The following ROBO1 variants were observed in gnomAD, a reference collection of about 807,000 sequenced individuals.
ROBO1 encodes the protein roundabout homolog 1.
In ROBO1, 149 loss-of-function variants were observed where a neutral mutation model predicts 195.9. The ratio of observed to expected loss-of-function variants is 0.76; its 90% CI spans 0.67 to 0.87. The LOEUF (loss-of-function observed/expected upper bound fraction) is 0.87, where lower values mean the gene tolerates loss of function less well. ROBO1 is among the 40% of genes least tolerant of loss of function. ROBO1 has a pLI of 0.00. For missense variants in ROBO1, 1,933 were observed against 2,068.3 expected (o/e 0.93, Z 1.27); for synonymous variants, 816 against 733.2 (o/e 1.11, Z -1.82).
At chr3:79,117,186 G>A (rs571824354) in intron 3 of ROBO1, among the ~76,000 whole-genome samples, 4 of 151,942 alleles carry the variant, frequency 2.6e-5, no homozygotes, top group Admixed American at 1.3e-4. Context: ...TGGGCAAAAC[G>A]GTGAAACCCC....
intron 1 of ROBO1, among the ~76,000 whole-genome samples, chr3:79,732,365 A>T (rs967414874): frequency 6.9e-6 from 1 of 144,960 alleles, no homozygotes; most frequent in African/African-American, 2.5e-5. Flanking sequence ...AGATATTAAT[A>T]TACTTTGTTT....
chr3:79,685,333 T>G (rs1576228329), intron 1 of ROBO1, among the ~76,000 whole-genome samples: 1 of 152,158 alleles, frequency 6.6e-6, no homozygotes, highest in African/African-American at 2.4e-5. Flanking sequence ...TGTAGGCATG[T>G]GCACAGCTCT....
intron 2 of ROBO1, among the ~76,000 whole-genome samples, chr3:79,309,065 A>G (rs1375631696): frequency 9.9e-6 from 1 of 100,636 alleles, no homozygotes; most frequent in Non-Finnish European, 2.0e-5. Flanking sequence ...AAAATTGAAG[A>G]AAAAAAAAGC....
At position 79,305,265 on chromosome 3, in the gene ROBO1, T is replaced by A. The variant is rs149761046; in HGVS notation, c.89-179726A>T. On this transcript the variant is annotated intron_variant, in intron 2 of 30. Transcript: ENST00000464233. Reference sequence around the variant, plus strand: ...ACTTTGAGAGGCCGAGGCAGGTGGATCTCCTGAGGTCAGGAGTTCAAGAAC... The same window carrying A: ...ACTTTGAGAGGCCGAGGCAGGTGGAACTCCTGAGGTCAGGAGTTCAAGAAC... Among the ~76,000 whole-genome samples, 383 of 152,152 alleles carry A rather than the reference T, an allele frequency of 2.5e-3. 5 individuals carry two copies. The highest frequency in any genetic ancestry group is 8.0e-3 in the African/African-American group (331 of 41,516).
intron 4 of ROBO1, among the ~76,000 whole-genome samples, chr3:78,753,223 A>G (rs2108317470): frequency 6.6e-6 from 1 of 152,318 alleles, no homozygotes; most frequent in Non-Finnish European, 1.5e-5. Flanking sequence ...AAGCTAACTT[A>G]AATACAGTTG....
chr3:78,820,233 G>A (rs2030743284), intron 4 of ROBO1, among the ~76,000 whole-genome samples: 1 of 152,172 alleles, frequency 6.6e-6, no homozygotes, highest in Non-Finnish European at 1.5e-5. Context: ...ATTTTGCACT[G>A]TTGTTTTTGA....
chr3:79,001,949 A>G (rs2077515334), intron 3 of ROBO1, among the ~76,000 whole-genome samples: 1 of 152,212 alleles, frequency 6.6e-6, no homozygotes, highest in African/African-American at 2.4e-5. Flanking sequence ...TTAGAAAGTT[A>G]AAATGATCAG....
intron 3 of ROBO1, among the ~76,000 whole-genome samples, chr3:78,948,204 G>A (rs1471908007): frequency 2.0e-5 from 3 of 152,066 alleles, no homozygotes; most frequent in Non-Finnish European, 4.4e-5. Flanking sequence ...ACCAAAGCAT[G>A]GCAGAGACAC....
chr3:79,473,822 A>C (rs1647763991), intron 2 of ROBO1, among the ~76,000 whole-genome samples: 2 of 152,090 alleles, frequency 1.3e-5, no homozygotes, highest in African/African-American at 4.8e-5. Context: ...TAGTTGAATA[A>C]GAATACCCTT....
intron 4 of ROBO1, among the ~76,000 whole-genome samples, chr3:78,898,391 T>G (rs1460358644): frequency 7.3e-6 from 1 of 136,960 alleles, no homozygotes; most frequent in Non-Finnish European, 1.6e-5. Context: ...TTTTTTTTTT[T>G]TTTTTTTTTT....
intron 5 of ROBO1, among the ~76,000 whole-genome samples, chr3:78,725,371 AG>A (rs1175417991): frequency 8.3e-5 from 6 of 72,120 alleles, no homozygotes; most frequent in Non-Finnish European, 2.4e-4. Context: ...TAATAGTCTC[AG>A]GTTAAAAAAA....
At chr3:79,569,148 G>A (rs920500554) in intron 2 of ROBO1, among the ~76,000 whole-genome samples, 6 of 150,044 alleles carry the variant, frequency 4.0e-5, no homozygotes, top group Non-Finnish European at 5.9e-5. Flanking sequence ...ACACACACAC[G>A]CACGATTTGT....
At chr3:78,866,547 TAAAG>T (rs1167221585) in intron 4 of ROBO1, among the ~76,000 whole-genome samples, 1 of 152,140 alleles carries the variant, frequency 6.6e-6, no homozygotes, top group African/African-American at 2.4e-5. Flanking sequence ...AATAATAAAA[TAAAG>T]AAGCTAATAT....
intron 10 of ROBO1, among the ~76,000 whole-genome samples, chr3:78,671,804 G>A (rs1317018759): frequency 2.0e-5 from 3 of 152,016 alleles, no homozygotes; most frequent in Non-Finnish European, 2.9e-5. Context: ...GTAGAAGAAT[G>A]GTTTAAATTT....
chr3:79,692,286 C>G (rs1340930278), intron 1 of ROBO1, among the ~76,000 whole-genome samples: 1 of 151,736 alleles, frequency 6.6e-6, no homozygotes, highest in Non-Finnish European at 1.5e-5. Context: ...CTTTATAGGA[C>G]CATGTTTATC....
chr3:78,801,107 C>A (rs1184183655), intron 4 of ROBO1, among the ~76,000 whole-genome samples: 4 of 152,084 alleles, frequency 2.6e-5, no homozygotes, highest in African/African-American at 9.7e-5. Context: ...TAATAATAGA[C>A]AATCCACCTC....
chr3:79,503,568 C>T (rs1038567143), intron 2 of ROBO1, among the ~76,000 whole-genome samples: 1 of 152,104 alleles, frequency 6.6e-6, no homozygotes. Flanking sequence ...CTTTTTGTCT[C>T]ATCTCTATAA....
chr3:79,279,831 GTGT>G (rs2031367279), intron 2 of ROBO1, among the ~76,000 whole-genome samples: 2 of 151,472 alleles, frequency 1.3e-5, no homozygotes, highest in South Asian at 4.2e-4. Context: ...GGTATCACAT[GTGT>G]TGTTGTAGGT....
intron 3 of ROBO1, among the ~76,000 whole-genome samples, chr3:78,994,335 T>C (rs530662997): frequency 1.1e-4 from 16 of 152,058 alleles, no homozygotes; most frequent in Non-Finnish European, 2.2e-4. Flanking sequence ...TGGAAGCATT[T>C]TGGGGGAAGC....
Sources: allele counts gnomAD v4.1 joint callset (sites outside exome capture counted in the v4.1 genomes callset), GRCh38; gene constraint gnomAD v4.1.1; transcripts MANE v1.5; gene names NCBI Gene and HGNC (gene_info 2026-07-23, HGNC 2026-07-21).